Variants in ADGRG4 observed in about 807,000 individuals in gnomAD.
ADGRG4 encodes the protein G protein-coupled receptor 112.
Under a neutral mutation model 126.2 loss-of-function variants are expected in ADGRG4, and 122 were observed. That is an observed-to-expected ratio of 0.97 (90% CI 0.83 to 1.12). The LOEUF is 1.12. Among genes scored for constraint, ADGRG4 ranks in the 50% most tolerant of loss-of-function variants. The pLI, the probability that ADGRG4 is intolerant of heterozygous loss-of-function variation, is 0.00. For synonymous variants in ADGRG4, 943 were observed against 838.7 expected, an observed-to-expected ratio of 1.12 and a Z score of -2.15; for missense variants, 2,481 against 2,251.8, an observed-to-expected ratio of 1.10 and a Z score of -2.06.
At chrX:136,373,530 A>T (rs2075207273) in intron 15 of ADGRG4, among the ~76,000 whole-genome samples, 1 of 111,833 alleles carries the variant, frequency 8.9e-6, no homozygotes, top group South Asian at 3.8e-4. Context: ...TGCCAACCCT[A>T]CTCAAAACAA....
Position 136,401,723 on chromosome X carries a change from T to A in ADGRG4, c.8576-1521T>A, listed in dbSNP as rs564083973. On this transcript the variant is annotated intron_variant, in intron 21 of 25. Transcript: ENST00000394143. ...ACAAAGGGAATGGATGACCGCCACG[T>A]GAGTTGTAGGATTCCCAGTGGCTGA... 4.4e-4 allele frequency among the ~76,000 whole-genome samples: 49 copies of A among 111,871 alleles called. No homozygotes were observed. The South Asian group carries it at 0.018, about 42-fold the overall frequency.
In ADGRG4 at chrX:136,373,014, G is replaced by A. The variant is rs373234133; in HGVS notation, c.7726G>A (p.Asp2576Asn). The change falls in exon 15 of 26, where the codon GAT (aspartate) becomes AAT (asparagine). Residue 2576 changes from aspartate to asparagine, a missense_variant. Transcript: ENST00000394143. The part of the protein sequence containing the change: ...LAVLRGDHTF[D>N]GMAFSIHSYE... ...TGTGCTGCGGGGGGACCACACGTTT[G>A]ATGGCATGGCTTTCAGCATTCACTC... 2 of 1,211,134 alleles carry A rather than the reference G, an allele frequency of 1.7e-6. No individual in the cohort carries two copies. Among genetic ancestry groups the A allele is most frequent in the Non-Finnish European group, 2.2e-6 (2 of 895,171 alleles).
At position 136,322,660 on chromosome X, in the gene ADGRG4, G is replaced by A. The variant is rs1183665262; in HGVS notation, c.71-118G>A. On this transcript the variant is annotated intron_variant, in intron 4 of 25. Transcript: ENST00000394143. ...CTACTATTTTTGTTTATTTGCACCA[G>A]TATTGACTCATAATTATATTGTATA... The A allele has an allele frequency of 8.7e-6, 5 of 572,824 alleles. No homozygotes were observed. In the East Asian group the frequency reaches 1.7e-4, roughly 20 times the overall value. 47.2% of individuals were successfully genotyped at this position (572,824 alleles called of 1,213,427 possible).
rs770692831 is a variant in ADGRG4 at position 136,359,384 on chromosome X, C to T, written c.7073C>T (p.Thr2358Ile). 9 of 1,207,457 alleles carry T rather than the reference C, an allele frequency of 7.5e-6. No individual in the cohort carries two copies. The South Asian group carries it at 1.2e-4, about 17-fold the overall frequency. Residue 2358 changes from threonine to isoleucine, a missense_variant, in exon 11 of 26, where the codon ACA becomes ATA. Physicochemically the swap from Thr to Ile is moderately conservative, Grantham distance 89. Transcript: ENST00000394143. ...AAAAGTAAAATACATGGCAACTTCA[C>T]ACATGGAAACTTCACACAAGATCAA... ...KIKSKIHGNF[T>I]HGNFTQDQLT...
Position 136,347,201 on chromosome X carries a change from G to A in ADGRG4, c.3495G>A (p.Thr1165=), listed in dbSNP as rs763923949. The part of the protein sequence containing the change: ...PASSTHVIST[T]STPEATQPIS... Reference sequence around the variant, plus strand: ...CCTCCACTCATGTGATCTCAACTACGTCTACACCAGAAGCAACTCAACCAA... The same window carrying A: ...CCTCCACTCATGTGATCTCAACTACATCTACACCAGAAGCAACTCAACCAA... Residue 1165 remains threonine (T), a synonymous_variant, in exon 6 of 26, where the codon ACG becomes ACA. Transcript: ENST00000394143. 90 of 1,208,465 alleles carry A rather than the reference G, an allele frequency of 7.4e-5. No individual in the cohort carries two copies. The highest frequency in any genetic ancestry group is 9.5e-5 in the Non-Finnish European group (85 of 894,396).
rs374206106 is a variant in ADGRG4 at position 136,371,458 on chromosome X, C to A, written c.7527C>A (p.Asn2509Lys). 8.5e-5 allele frequency: 101 copies of A among 1,194,215 alleles called. 2 individuals are homozygous for A. In the East Asian group the frequency reaches 1.0e-3, roughly 12 times the overall value. ...DISQCDEISM[N>K]LTHVMLQIIN... ...CACAATGTGATGAGATAAGTATGAACCTAACTCATGTTATGTTACAAATAA... is the reference window on the plus strand; with the variant it reads ...CACAATGTGATGAGATAAGTATGAAACTAACTCATGTTATGTTACAAATAA... The change falls in exon 14 of 26, where the codon AAC (asparagine) becomes AAA (lysine). Residue 2509 changes from asparagine (N) to lysine (K), a missense_variant. By Grantham distance (94) the Asn-to-Lys change is moderately conservative (BLOSUM62 0). Transcript: ENST00000394143.
In ADGRG4 at chrX:136,389,546, T is replaced by C. The variant is rs768971819; in HGVS notation, c.7911+1672T>C. Among the ~76,000 whole-genome samples the C allele has an allele frequency of 5.3e-5, 6 of 112,208 alleles. No individual in the cohort carries two copies. The South Asian group carries it at 2.2e-3, about 42-fold the overall frequency. On this transcript the variant is annotated intron_variant, in intron 16 of 25. Transcript: ENST00000394143. ...TGAAGAAGGATTAGAACTAGCCTGC[T>C]TCAAATTCAGAGTTGAAAGGGCCCT... is the stretch of plus-strand genomic sequence containing the variant.
chrX:136,304,518 C>A (rs1429187788), intron 2 of ADGRG4, among the ~76,000 whole-genome samples: 1 of 112,049 alleles, frequency 8.9e-6, no homozygotes, highest in Admixed American at 9.5e-5. Context: ...CCTCTAAATT[C>A]TTTTCTTCAT....
At chrX:136,404,717 C>A (rs1221007933) in intron 22 of ADGRG4, among the ~76,000 whole-genome samples, 1 of 112,133 alleles carries the variant, frequency 8.9e-6, no homozygotes, top group African/African-American at 3.2e-5. Context: ...AAACATATAA[C>A]ACTATCTCAT....
chrX:136,384,992 T>C (rs2148489172), intron 15 of ADGRG4, among the ~76,000 whole-genome samples: 1 of 111,240 alleles, frequency 9.0e-6, no homozygotes, highest in Admixed American at 9.6e-5. Flanking sequence ...TTCACTGTTA[T>C]TCCTTCAAAT....
chrX:136,404,128 T>C (rs1214086285), intron 22 of ADGRG4, among the ~76,000 whole-genome samples: 2 of 112,062 alleles, frequency 1.8e-5, no homozygotes, highest in Non-Finnish European at 3.8e-5. Flanking sequence ...TCTTTCATAC[T>C]GAGATGACAG....
Position 136,369,196 on chromosome X carries a change from G to A in ADGRG4, c.7397-2132G>A, listed in dbSNP as rs138375867. 6.0e-3 allele frequency among the ~76,000 whole-genome samples: 673 copies of A among 112,643 alleles called. 3 individuals carry two copies. The highest frequency in any genetic ancestry group is 0.014 in the South Asian group (37 of 2,717). On this transcript the variant is annotated intron_variant, in intron 13 of 25. Transcript: ENST00000394143. ...GAACCATGAAGGATAATAATACATTGTTGCTTTAAGCCAGTAAGTTTTAGG... is the reference window on the plus strand; with the variant it reads ...GAACCATGAAGGATAATAATACATTATTGCTTTAAGCCAGTAAGTTTTAGG...
chrX:136,347,068 C>T lies in ADGRG4; in HGVS notation c.3362C>T (p.Thr1121Ile). The T allele has an allele frequency of 8.3e-7, 1 of 1,210,538 alleles. No individual in the cohort carries two copies. The highest frequency in any genetic ancestry group is 3.0e-5 in the East Asian group (1 of 33,824). ...FHSLRLSTPV[T>I]AKAETTLFST... ...TCACTGAGACTCTCCACTCCTGTGA[C>T]AGCTAAGGCTGAGACCACCCTTTTC... The change falls in exon 6 of 26, where the codon ACA becomes ATA. Residue 1121 changes from threonine to isoleucine, a missense_variant. Thr to Ile is a moderately conservative substitution (Grantham distance 89, BLOSUM62 -1). Coordinates refer to ENST00000394143, the MANE Select transcript of ADGRG4 (RefSeq NM_153834.4).
Position 136,348,510 on chromosome X carries a change from A to T in ADGRG4, c.4804A>T (p.Thr1602Ser). ...LSSVTPRTTM[T>S]MQTSTLDVTP... is the part of the protein sequence containing the mutation. ...TTCAGTTACCCCCAGGACTACTATGACCATGCAAACATCTACATTGGATGT... is the reference window on the plus strand; with the variant it reads ...TTCAGTTACCCCCAGGACTACTATGTCCATGCAAACATCTACATTGGATGT... The change falls in exon 6 of 26, where the codon ACC (threonine) becomes TCC (serine). Residue 1602 changes from threonine to serine, a missense_variant. Coordinates refer to ENST00000394143, the MANE Select transcript of ADGRG4 (RefSeq NM_153834.4). 8.3e-7 allele frequency: 1 copy of T among 1,208,758 alleles called. No individual in the cohort carries two copies. The highest frequency in any genetic ancestry group is 1.1e-6 in the Non-Finnish European group (1 of 893,241).
At chrX:136,366,087 A>G (rs2075156913) in intron 13 of ADGRG4, among the ~76,000 whole-genome samples, 1 of 112,065 alleles carries the variant, frequency 8.9e-6, no homozygotes, top group African/African-American at 3.2e-5. Flanking sequence ...TTGCTATTGT[A>G]CATTCTGTGG....
At chrX:136,306,798 T>C (rs1359030447) in intron 3 of ADGRG4, among the ~76,000 whole-genome samples, 2 of 108,947 alleles carry the variant, frequency 1.8e-5, no homozygotes, top group Non-Finnish European at 3.8e-5. Context: ...TACTGCATTG[T>C]CTGTCTCCCA....
At chrX:136,330,892 T>A (rs1401661870) in intron 5 of ADGRG4, among the ~76,000 whole-genome samples, 1 of 111,337 alleles carries the variant, frequency 9.0e-6, no homozygotes, top group Non-Finnish European at 1.9e-5. Context: ...TTGAGTATAG[T>A]CACCCTGCTG....
At chrX:136,359,016 T>A (rs769994804) in intron 10 of ADGRG4, among the ~76,000 whole-genome samples, 1 of 112,487 alleles carries the variant, frequency 8.9e-6, no homozygotes, top group African/African-American at 3.2e-5. Flanking sequence ...CTTAGAGAAA[T>A]CTCAAGGCTA....
intron 5 of ADGRG4, among the ~76,000 whole-genome samples, chrX:136,328,713 A>G (rs2074890243): frequency 8.9e-6 from 1 of 111,933 alleles, no homozygotes; most frequent in Non-Finnish European, 1.9e-5. Flanking sequence ...TATATGGTCT[A>G]TGTCCTTTAT....
Sources: gnomAD v4.1 joint callset for allele counts (sites outside exome capture counted in the v4.1 genomes callset) on GRCh38, gnomAD v4.1.1 for gene constraint, MANE v1.5 for transcripts, NCBI Gene and HGNC (gene_info 2026-07-23, HGNC 2026-07-21) for gene names.